Variants in SUSD1 observed in about 807,000 individuals in gnomAD.
The protein encoded by SUSD1 is sushi domain containing 1.
SUSD1 carries 65 observed loss-of-function variants against 86.9 expected under a neutral mutation model. That is an observed-to-expected ratio of 0.75 (90% confidence interval 0.61 to 0.92). The LOEUF (loss-of-function observed/expected upper bound fraction) is 0.92, where lower values mean the gene tolerates loss of function less well. Among genes scored for constraint, SUSD1 ranks in the 40% least tolerant of loss-of-function variants. The pLI, the probability that SUSD1 is intolerant of heterozygous loss-of-function variation, is 0.00. For missense variants in SUSD1, 850 were observed against 929.7 expected, an observed-to-expected ratio of 0.91 and a Z score of 1.11; for synonymous variants, 346 against 350.0, an observed-to-expected ratio of 0.99 and a Z score of 0.13.
At chr9:112,156,248 G>A (rs1470323599) in intron 2 of SUSD1, among the ~76,000 whole-genome samples, 1 of 152,046 alleles carries the variant, frequency 6.6e-6, no homozygotes, top group Non-Finnish European at 1.5e-5. Context: ...TGGATCACGA[G>A]GTCAGGAGTT....
intron 10 of SUSD1, among the ~76,000 whole-genome samples, chr9:112,091,763 G>C (rs1304172520): frequency 6.6e-6 from 1 of 152,172 alleles, no homozygotes; most frequent in African/African-American, 2.4e-5. Flanking sequence ...TTGGGGAGCA[G>C]TTTATCTTAA....
chr9:112,067,369 A>AT (rs60798882), intron 12 of SUSD1, among the ~76,000 whole-genome samples: 2,121 of 152,316 alleles, frequency 0.014, 49 homozygotes, highest in African/African-American at 0.047. Flanking sequence ...AACAAGATCC[A>AT]TCCTGGGCCT....
intron 15 of SUSD1, among the ~76,000 whole-genome samples, chr9:112,049,111 A>G (rs561797953): frequency 5.6e-4 from 86 of 152,324 alleles, no homozygotes; most frequent in Non-Finnish European, 9.4e-4. Context: ...GAGATGAGGA[A>G]GGAGGATTTG....
At chr9:112,135,185 C>T (rs1203203992) in intron 5 of SUSD1, among the ~76,000 whole-genome samples, 1 of 152,096 alleles carries the variant, frequency 6.6e-6, no homozygotes, top group Non-Finnish European at 1.5e-5. Flanking sequence ...CTCATTAGTA[C>T]CCAAAAGTCT....
intron 14 of SUSD1, among the ~76,000 whole-genome samples, chr9:112,053,752 A>C (rs1312816631): frequency 6.6e-6 from 1 of 152,218 alleles, no homozygotes; most frequent in Non-Finnish European, 1.5e-5. Context: ...GGCCAGGTGA[A>C]GAAGGGAGCT....
intron 15 of SUSD1, among the ~76,000 whole-genome samples, chr9:112,042,341 TATG>T (rs975856359): frequency 2.6e-5 from 4 of 152,198 alleles, no homozygotes; most frequent in African/African-American, 4.8e-5. Context: ...GACAAGTCAT[TATG>T]ATATTATTTG....
At chr9:112,139,092 A>G (rs1360672548) in intron 5 of SUSD1, among the ~76,000 whole-genome samples, 8 of 152,258 alleles carry the variant, frequency 5.3e-5, no homozygotes, top group Middle Eastern at 6.3e-3. Context: ...AGTAGTCCAA[A>G]TAGTCCAAGG....
intron 9 of SUSD1, among the ~76,000 whole-genome samples, chr9:112,100,378 G>A (rs902631141): frequency 6.6e-6 from 1 of 151,846 alleles, no homozygotes; most frequent in Non-Finnish European, 1.5e-5. Flanking sequence ...AGTAGAGATG[G>A]GGTTTCACCG....
intron 5 of SUSD1, among the ~76,000 whole-genome samples, chr9:112,133,961 A>G (rs1250793267): frequency 6.6e-6 from 1 of 152,236 alleles, no homozygotes; most frequent in Admixed American, 6.5e-5. Flanking sequence ...GAAACATATG[A>G]AAAAATGCTC....
intron 12 of SUSD1, among the ~76,000 whole-genome samples, chr9:112,074,432 C>A (rs1298760541): frequency 6.6e-6 from 1 of 152,140 alleles, no homozygotes; most frequent in African/African-American, 2.4e-5. Context: ...ATCTCACCCA[C>A]CCCCTCGCCA....
intron 2 of SUSD1, among the ~76,000 whole-genome samples, chr9:112,155,242 C>T (rs201698511): frequency 2.0e-5 from 3 of 148,928 alleles, no homozygotes; most frequent in East Asian, 3.9e-4. Flanking sequence ...CCGAGGGAGA[C>T]GCCATCAAAA....
At chr9:112,069,580 T>G (rs1829160535) in intron 12 of SUSD1, among the ~76,000 whole-genome samples, 1 of 152,204 alleles carries the variant, frequency 6.6e-6, no homozygotes, top group Non-Finnish European at 1.5e-5. Flanking sequence ...TTGTGACGTT[T>G]TGTTGTCACA....
intron 12 of SUSD1, among the ~76,000 whole-genome samples, chr9:112,075,456 G>A (rs1462943266): frequency 6.6e-6 from 1 of 152,192 alleles, no homozygotes; most frequent in Non-Finnish European, 1.5e-5. Flanking sequence ...GCTGGGCACA[G>A]AGACTCATGC....
At position 112,098,483 on chromosome 9, in the gene SUSD1, T is replaced by C; in HGVS notation, c.1461A>G (p.Ala487=). The part of the protein sequence containing the change: ...PKRHSVQITI[A]TPPAVKQTIS... ...GTCTACACCCACCTGCTGGGGGAGT[T>C]GCTATTGTTATTTGCACTGAGTGCC... The change falls in exon 10 of 17, where the codon GCA becomes GCG. Residue 487 remains alanine (A), a synonymous_variant. Coordinates refer to ENST00000374270, the MANE Select transcript of SUSD1 (RefSeq NM_022486.5). The C allele has an allele frequency of 5.0e-6, 8 of 1,614,036 alleles. No homozygotes were observed. The highest frequency in any genetic ancestry group is 6.8e-6 in the Non-Finnish European group (8 of 1,179,936).
intron 10 of SUSD1, among the ~76,000 whole-genome samples, chr9:112,083,428 A>G (rs188744650): frequency 3.3e-5 from 5 of 152,238 alleles, no homozygotes; most frequent in African/African-American, 9.6e-5. Flanking sequence ...GGGTTTCACC[A>G]TGTTGGGCAG....
At chr9:112,079,614 T>C (rs534241900) in intron 11 of SUSD1, among the ~76,000 whole-genome samples, 134 of 152,028 alleles carry the variant, frequency 8.8e-4, no homozygotes, top group African/African-American at 3.1e-3. Context: ...CTTTTTTTTT[T>C]TTTTTCGAGA....
intron 2 of SUSD1, among the ~76,000 whole-genome samples, chr9:112,149,999 C>G (rs566322726): frequency 2.0e-5 from 3 of 152,350 alleles, no homozygotes; most frequent in Admixed American, 2.0e-4. Context: ...TCCCCAGAAG[C>G]TTGCCCAGAG....
In SUSD1 at chr9:112,058,031, A is replaced by G. The variant is rs775474267; in HGVS notation, c.2109+397T>C. ...GCTGCGGAAGGGATGTAAGCAAAAA[A>G]CAGCCGAGTGCTGTGCTTAATCTTC... On this transcript the variant is annotated intron_variant, in intron 14 of 16. Coordinates refer to ENST00000374270, the MANE Select transcript of SUSD1 (RefSeq NM_022486.5). 3.9e-3 allele frequency among the ~76,000 whole-genome samples: 597 copies of G among 152,334 alleles called. 3 individuals are homozygous for G. The highest frequency in any genetic ancestry group is 6.2e-3 in the Non-Finnish European group (419 of 68,028).
At chr9:112,165,850 AAG>A (rs1389804946) in intron 1 of SUSD1, among the ~76,000 whole-genome samples, 2 of 137,274 alleles carry the variant, frequency 1.5e-5, no homozygotes, top group Admixed American at 7.5e-5. Flanking sequence ...AAGAAAGAGA[AAG>A]AGAAGGAAGG....
Sources: gnomAD v4.1 joint callset for allele counts (sites outside exome capture counted in the v4.1 genomes callset) on GRCh38, gnomAD v4.1.1 for gene constraint, MANE v1.5 for transcripts, NCBI Gene and HGNC (gene_info 2026-07-23, HGNC 2026-07-21) for gene names.